The following ARHGAP32 variants were observed in gnomAD, a reference collection of about 807,000 sequenced individuals.
ARHGAP32 encodes Rho GTPase activating protein 32, also known as rho GTPase-activating protein 32.
A neutral mutation model predicts 186.5 loss-of-function variants in ARHGAP32; 51 were observed. The observed-to-expected ratio is 0.27, with a 90% CI of 0.22 to 0.35. ARHGAP32 has a LOEUF of 0.35. Ranked by LOEUF, ARHGAP32 falls within the 10% of genes least tolerant of loss-of-function variation. The pLI is 1.00. For synonymous variants in ARHGAP32, 950 were observed against 964.3 expected, an observed-to-expected ratio of 0.99 and a Z score of 0.27; for missense variants, 2,186 against 2,623.5, an observed-to-expected ratio of 0.83 and a Z score of 3.64.
intron 11 of ARHGAP32, among the ~76,000 whole-genome samples, chr11:129,004,459 T>G (rs192713807): frequency 6.6e-6 from 1 of 152,202 alleles, no homozygotes; most frequent in East Asian, 1.9e-4. Flanking sequence ...ATGCTGAAAG[T>G]GGGATGCTGA....
At chr11:129,180,884 C>G (rs1473850069) in intron 1 of ARHGAP32, among the ~76,000 whole-genome samples, 1 of 152,128 alleles carries the variant, frequency 6.6e-6, no homozygotes, top group Admixed American at 6.5e-5. Flanking sequence ...TATCATCTTG[C>G]TGTTTCCCTC....
intron 11 of ARHGAP32, among the ~76,000 whole-genome samples, chr11:129,015,316 G>C (rs1379872817): frequency 6.6e-6 from 1 of 152,170 alleles, no homozygotes; most frequent in Non-Finnish European, 1.5e-5. Context: ...AAAATCAGGA[G>C]CTAACGTACT....
intron 11 of ARHGAP32, chr11:129,023,966 T>C (rs1210977464): frequency 8.1e-6 from 8 of 985,086 alleles, no homozygotes; most frequent in Non-Finnish European, 9.6e-6. Context: ...CGTACAAGAG[T>C]GTAGAAAATA....
chr11:129,029,412 G>A (rs1041065966), intron 11 of ARHGAP32, among the ~76,000 whole-genome samples: 7 of 152,190 alleles, frequency 4.6e-5, no homozygotes, highest in African/African-American at 7.2e-5. Flanking sequence ...ATATGTAAGC[G>A]CTGGCTGTGA....
intron 5 of ARHGAP32, among the ~76,000 whole-genome samples, chr11:129,105,121 A>G (rs1409209219): frequency 6.6e-6 from 1 of 152,224 alleles, no homozygotes; most frequent in Admixed American, 6.5e-5. Context: ...GCTTAAAAAT[A>G]CAGTAAGGCA....
In ARHGAP32 at chr11:128,973,413, G is replaced by C. The variant is rs1337673381; in HGVS notation, c.3093C>G (p.Pro1031=). The change falls in exon 22 of 23, where the codon CCC becomes CCG. Residue 1031 remains proline, a synonymous_variant. Transcript: ENST00000682385. The stretch of plus-strand genomic sequence containing the variant: ...AACTGACAGGAACGGAATCCTGAGG[G>C]GGGTCATGGGTAACTGCTCCTAGTG... ...QTQTGAVTHD[P]PQDSVPVSSV... 3.7e-6 allele frequency: 6 copies of C among 1,613,630 alleles called. No individual in the cohort carries two copies. The highest frequency in any genetic ancestry group is 2.2e-5 in the East Asian group (1 of 44,866).
chr11:128,976,500 C>T (rs1945544884), intron 20 of ARHGAP32, 63 bp downstream of exon 20: 3 of 1,290,994 alleles, frequency 2.3e-6, no homozygotes, highest in Non-Finnish European at 3.4e-6. Context: ...AAAATATACT[C>T]AATTGCAGTA....
chr11:129,020,924 A>C (rs1265417686), intron 11 of ARHGAP32, among the ~76,000 whole-genome samples: 1 of 152,070 alleles, frequency 6.6e-6, no homozygotes, highest in African/African-American at 2.4e-5. Context: ...TCTTTAACTG[A>C]TGTATATAAC....
chr11:129,100,319 C>G (rs909294071), intron 5 of ARHGAP32, among the ~76,000 whole-genome samples: 2 of 152,172 alleles, frequency 1.3e-5, no homozygotes, highest in African/African-American at 4.8e-5. Flanking sequence ...GTGTGCTGGC[C>G]TCTCCCAAGG....
chr11:129,193,421 G>A (rs1207414533), upstream of ARHGAP32, among the ~76,000 whole-genome samples: 3 of 119,698 alleles, frequency 2.5e-5, no homozygotes, highest in Admixed American at 9.6e-5. Flanking sequence ...GTTCAAGGCT[G>A]TTGTGAGCCA....
chr11:129,071,885 A>G (rs1940880796), intron 6 of ARHGAP32, among the ~76,000 whole-genome samples: 2 of 152,190 alleles, frequency 1.3e-5, no homozygotes, highest in Non-Finnish European at 2.9e-5. Flanking sequence ...ATTCAGCCTT[A>G]AAGGAAATCC....
chr11:129,276,499 G>A (rs1256990800), intron 1 of ARHGAP32, among the ~76,000 whole-genome samples: 1 of 152,070 alleles, frequency 6.6e-6, no homozygotes, highest in African/African-American at 2.4e-5. Context: ...TAAAGACTGG[G>A]CCTCTCTATG....
intron 6 of ARHGAP32, among the ~76,000 whole-genome samples, chr11:129,085,479 G>A (rs932138124): frequency 6.6e-6 from 1 of 152,104 alleles, no homozygotes; most frequent in Middle Eastern, 3.2e-3. Context: ...AATAAATGGA[G>A]AAATGTTGCA....
chr11:129,042,012 G>A (rs1318245323), intron 10 of ARHGAP32, among the ~76,000 whole-genome samples: 1 of 152,150 alleles, frequency 6.6e-6, no homozygotes, highest in Non-Finnish European at 1.5e-5. Flanking sequence ...ATTTCCATCT[G>A]TGTGAAATTA....
intron 5 of ARHGAP32, among the ~76,000 whole-genome samples, chr11:129,115,380 G>T (rs1158905713): frequency 1.3e-5 from 2 of 152,086 alleles, no homozygotes; most frequent in African/African-American, 4.8e-5. Flanking sequence ...AGATTTACCA[G>T]GAAAAAGCTA....
At chr11:129,056,828 G>GAC (rs1940272235) in intron 10 of ARHGAP32, among the ~76,000 whole-genome samples, 2 of 152,132 alleles carry the variant, frequency 1.3e-5, no homozygotes, top group Non-Finnish European at 2.9e-5. Context: ...TCAAGAGGGT[G>GAC]ACACCTCAGC....
intron 11 of ARHGAP32, chr11:129,024,325 A>C: frequency 4.9e-6 from 1 of 205,636 alleles, no homozygotes; most frequent in Non-Finnish European, 8.6e-6. Flanking sequence ...TTGATATTAA[A>C]TTATGTCTTT....
rs763867402 is a variant in ARHGAP32, at chr11:129,024,159, G to A, written c.1045+16769C>T. Reference sequence around the variant, plus strand: ...GTGTGTGGGAGAGCTCTGCCTCCAGGAGCTTAATCCTCCTCTCTCAGCACA... The same window carrying A: ...GTGTGTGGGAGAGCTCTGCCTCCAGAAGCTTAATCCTCCTCTCTCAGCACA... On this transcript the variant is annotated intron_variant, in intron 11 of 22. Coordinates refer to ENST00000682385, the MANE Select transcript of ARHGAP32 (RefSeq NM_001378024.1). 51 of 985,360 alleles carry A rather than the reference G, an allele frequency of 5.2e-5. No individual in the cohort carries two copies. The Middle Eastern group carries it at 4.7e-3, about 91-fold the overall frequency. 61.0% of individuals were successfully genotyped at this position (985,360 alleles called of 1,614,324 possible).
chr11:129,224,941 A>G (rs1044283208), intron 1 of ARHGAP32, among the ~76,000 whole-genome samples: 3 of 151,874 alleles, frequency 2.0e-5, no homozygotes, highest in African/African-American at 7.3e-5. Flanking sequence ...GCAAGACTCT[A>G]TCTCTATAAA....
Sources: gnomAD v4.1 joint callset for allele counts (sites outside exome capture counted in the v4.1 genomes callset) on GRCh38, gnomAD v4.1.1 for gene constraint, MANE v1.5 for transcripts, NCBI Gene and HGNC (gene_info 2026-07-23, HGNC 2026-07-21) for gene names.